The following FSTL5 variants were observed in gnomAD, a reference collection of about 807,000 sequenced individuals.
FSTL5 encodes follistatin-related protein 5.
FSTL5 carries 62 observed loss-of-function variants against 89.1 expected under a neutral mutation model. That is an observed-to-expected ratio of 0.70 (90% CI 0.57 to 0.86). The LOEUF (loss-of-function observed/expected upper bound fraction) is 0.86, where lower values mean the gene tolerates loss of function less well. Ranked by LOEUF, FSTL5 falls within the 40% of genes least tolerant of loss-of-function variation. FSTL5 has a pLI of 0.00. For synonymous variants in FSTL5, 383 were observed against 346.2 expected (o/e 1.11, Z -1.18); for missense variants, 1,057 against 1,001.6 (o/e 1.06, Z -0.75).
At chr4:161,678,563 T>A (rs901757507) in intron 6 of FSTL5, among the ~76,000 whole-genome samples, 1 of 151,832 alleles carries the variant, frequency 6.6e-6, no homozygotes, top group Non-Finnish European at 1.5e-5. Flanking sequence ...TCATCACTTT[T>A]GATCAACAGA....
intron 15 of FSTL5, among the ~76,000 whole-genome samples, chr4:161,426,896 T>G (rs2126328908): frequency 6.6e-6 from 1 of 152,322 alleles, no homozygotes; most frequent in East Asian, 1.9e-4. Context: ...TACACATATT[T>G]TTTACCAAAG....
intron 10 of FSTL5, among the ~76,000 whole-genome samples, chr4:161,526,240 T>C (rs1263606507): frequency 3.3e-5 from 5 of 152,200 alleles, no homozygotes; most frequent in African/African-American, 1.2e-4. Flanking sequence ...ATCCTTACTT[T>C]ATAGTAAGAA....
At chr4:161,747,933 T>C (rs1740258974) in intron 6 of FSTL5, among the ~76,000 whole-genome samples, 1 of 152,168 alleles carries the variant, frequency 6.6e-6, no homozygotes, top group Non-Finnish European at 1.5e-5. Context: ...CATTAAAAAA[T>C]TATTTCCAAA....
Position 161,775,839 on chromosome 4 carries a change from A to G in FSTL5, c.606+39T>C, listed in dbSNP as rs941390543. Reference sequence around the variant, plus strand: ...AAAAAGTAAATATATTGTGCATGCTATATTTCAGTAAGTTTGTTAATATAG... The same window carrying G: ...AAAAAGTAAATATATTGTGCATGCTGTATTTCAGTAAGTTTGTTAATATAG... On this transcript the variant is annotated intron_variant, in intron 5 of 15. Transcript: ENST00000306100. 1.2e-5 allele frequency: 12 copies of G among 1,037,392 alleles called. No individual in the cohort carries two copies. The East Asian group carries it at 3.0e-4, about 26-fold the overall frequency. The allele number at this position is 1,037,392 out of a possible 1,614,324, so 64.3% of individuals were successfully genotyped here.
At chr4:161,923,462 T>C (rs927599574) in intron 3 of FSTL5, among the ~76,000 whole-genome samples, 1 of 151,924 alleles carries the variant, frequency 6.6e-6, no homozygotes, top group Non-Finnish European at 1.5e-5. Flanking sequence ...AAATTGTTAA[T>C]TCAATGTTTA....
intron 2 of FSTL5, among the ~76,000 whole-genome samples, chr4:162,108,459 G>C (rs1283885104): frequency 1.3e-5 from 2 of 151,616 alleles, no homozygotes; most frequent in African/African-American, 4.8e-5. Context: ...CATTCTTCTA[G>C]GAAAAATGTA....
intron 6 of FSTL5, among the ~76,000 whole-genome samples, chr4:161,677,745 G>A (rs1003260452): frequency 7.2e-5 from 11 of 151,940 alleles, no homozygotes; most frequent in African/African-American, 2.2e-4. Context: ...GAATTTTCAA[G>A]TATATAATAT....
chr4:161,915,667 T>C (rs1448216553), intron 4 of FSTL5, among the ~76,000 whole-genome samples: 1 of 152,138 alleles, frequency 6.6e-6, no homozygotes, highest in Non-Finnish European at 1.5e-5. Context: ...GGAAACACTG[T>C]GTGACAGTAT....
At chr4:161,530,221 C>A (rs1560939958) in intron 10 of FSTL5, among the ~76,000 whole-genome samples, 1 of 141,746 alleles carries the variant, frequency 7.1e-6, no homozygotes, top group African/African-American at 2.5e-5. Flanking sequence ...TATTTTAGGA[C>A]CCTTTCTTTT....
At chr4:161,445,154 T>C (rs376958815) in intron 15 of FSTL5, among the ~76,000 whole-genome samples, 166 of 152,084 alleles carry the variant, frequency 1.1e-3, no homozygotes, top group African/African-American at 3.9e-3. Context: ...AAGGAAATTA[T>C]AGAGAAACGC....
intron 4 of FSTL5, among the ~76,000 whole-genome samples, chr4:161,789,337 T>A (rs1054346036): frequency 3.9e-5 from 6 of 152,082 alleles, no homozygotes; most frequent in South Asian, 2.1e-4. Flanking sequence ...TAAAAAAAAA[T>A]TCATTATTTA....
chr4:161,402,074 T>C (rs1207293753), intron 15 of FSTL5, among the ~76,000 whole-genome samples: 4 of 152,162 alleles, frequency 2.6e-5, no homozygotes, highest in Non-Finnish European at 5.9e-5. Flanking sequence ...GTCAATTAAA[T>C]GTAGATGAAA....
chr4:161,686,803 A>T (rs1374410896), intron 6 of FSTL5, among the ~76,000 whole-genome samples: 3 of 152,104 alleles, frequency 2.0e-5, no homozygotes, highest in Admixed American at 6.5e-5. Context: ...TGCAATAGGC[A>T]CACTTTTAAA....
intron 7 of FSTL5, among the ~76,000 whole-genome samples, chr4:161,639,713 C>T (rs1181348073): frequency 1.3e-5 from 2 of 152,152 alleles, no homozygotes; most frequent in East Asian, 3.9e-4. Flanking sequence ...GCCACCCCTT[C>T]CCTGGCAGGC....
chr4:161,786,075 T>C (rs1314677947), intron 4 of FSTL5, among the ~76,000 whole-genome samples: 1 of 152,076 alleles, frequency 6.6e-6, no homozygotes, highest in African/African-American at 2.4e-5. Context: ...TTTATGAATG[T>C]TTATTGACAT....
intron 4 of FSTL5, among the ~76,000 whole-genome samples, chr4:161,919,543 T>C (rs1000113183): frequency 6.6e-6 from 1 of 152,194 alleles, no homozygotes; most frequent in Non-Finnish European, 1.5e-5. Flanking sequence ...AGTAAAAATA[T>C]TAAACAGGTT....
At chr4:161,510,650 G>T (rs1485194632) in intron 10 of FSTL5, among the ~76,000 whole-genome samples, 1 of 151,636 alleles carries the variant, frequency 6.6e-6, no homozygotes, top group African/African-American at 2.4e-5. Context: ...TTCTTATTTG[G>T]AATACAGATT....
intron 8 of FSTL5, among the ~76,000 whole-genome samples, chr4:161,551,996 T>G (rs758433339): frequency 6.6e-6 from 1 of 151,924 alleles, no homozygotes; most frequent in Non-Finnish European, 1.5e-5. Context: ...GGGGTCTAAT[T>G]AAACTAAAGA....
intron 4 of FSTL5, among the ~76,000 whole-genome samples, chr4:161,913,654 C>A (rs1200149402): frequency 6.6e-6 from 1 of 152,138 alleles, no homozygotes; most frequent in African/African-American, 2.4e-5. Context: ...CCCTGCAAAG[C>A]CACAGTGGCA....
Sources: gnomAD v4.1 joint callset for allele counts (sites outside exome capture counted in the v4.1 genomes callset) on GRCh38, gnomAD v4.1.1 for gene constraint, MANE v1.5 for transcripts, NCBI Gene and HGNC (gene_info 2026-07-23, HGNC 2026-07-21) for gene names.